MAGI2: variants seen among roughly 807,000 people sequenced by gnomAD.
The protein encoded by MAGI2 is membrane-associated guanylate kinase, WW and PDZ domain-containing protein 2.
MAGI2 carries 35 observed loss-of-function variants against 133.3 expected under a neutral mutation model. The ratio of observed to expected loss-of-function variants is 0.26; its 90% CI spans 0.20 to 0.35. The LOEUF is 0.35. MAGI2 is among the 10% of genes least tolerant of loss of function. The pLI is 1.00. For synonymous variants in MAGI2, 729 were observed against 710.6 expected (o/e 1.03, Z -0.41); for missense variants, 1,636 against 1,863.4 (o/e 0.88, Z 2.25).
chr7:78,141,315 T>C (rs994347588), intron 16 of MAGI2, among the ~76,000 whole-genome samples: 6 of 152,182 alleles, frequency 3.9e-5, no homozygotes, highest in African/African-American at 9.6e-5. Context: ...TCTGTTTTTC[T>C]GCCTTTAGAA....
intron 1 of MAGI2, among the ~76,000 whole-genome samples, chr7:79,109,542 G>A (rs929126608): frequency 1.3e-5 from 2 of 152,132 alleles, no homozygotes; most frequent in Non-Finnish European, 1.5e-5. Flanking sequence ...GCCCAACTTC[G>A]ATACAGGAGC....
chr7:79,207,101 A>G (rs1006000664), intron 1 of MAGI2, among the ~76,000 whole-genome samples: 6 of 151,950 alleles, frequency 3.9e-5, no homozygotes, highest in African/African-American at 1.2e-4. Context: ...TGACAAACTC[A>G]CAGCTAACAA....
intron 1 of MAGI2, among the ~76,000 whole-genome samples, chr7:79,394,703 G>A (rs1844913435): frequency 6.6e-6 from 1 of 152,120 alleles, no homozygotes; most frequent in Admixed American, 6.6e-5. Context: ...CAGTAATCAT[G>A]TTGTTCCTGT....
chr7:78,655,739 T>C (rs1812171176), intron 2 of MAGI2, among the ~76,000 whole-genome samples: 1 of 152,044 alleles, frequency 6.6e-6, no homozygotes, highest in Admixed American at 6.5e-5. Flanking sequence ...CCCAGCACTT[T>C]GGGAGGCCGA....
chr7:78,510,078 G>C (rs1554448295), intron 4 of MAGI2, among the ~76,000 whole-genome samples: 1 of 151,768 alleles, frequency 6.6e-6, no homozygotes, highest in African/African-American at 2.4e-5. Context: ...TAAGCTGAGA[G>C]AAAAAAAGGA....
intron 1 of MAGI2, among the ~76,000 whole-genome samples, chr7:79,419,965 T>C (rs1846827491): frequency 6.6e-6 from 1 of 152,060 alleles, no homozygotes; most frequent in South Asian, 2.1e-4. Context: ...AAGAAGTTAA[T>C]CAGCAGCCCA....
intron 2 of MAGI2, among the ~76,000 whole-genome samples, chr7:78,886,731 A>T (rs185605843): frequency 6.6e-6 from 1 of 152,236 alleles, no homozygotes; most frequent in East Asian, 1.9e-4. Context: ...TTTCTTCCTG[A>T]CTTCCACTTT....
At chr7:78,353,566 T>C (rs1791744878) in intron 7 of MAGI2, among the ~76,000 whole-genome samples, 1 of 152,220 alleles carries the variant, frequency 6.6e-6, no homozygotes, top group Non-Finnish European at 1.5e-5. Flanking sequence ...AGGCAAAAAC[T>C]GCTGAAATTT....
At chr7:78,299,858 A>AT (rs1562783489) in intron 9 of MAGI2, among the ~76,000 whole-genome samples, 1 of 152,170 alleles carries the variant, frequency 6.6e-6, no homozygotes, top group African/African-American at 2.4e-5. Flanking sequence ...AATGGCAAAA[A>AT]TTAATTTAAT....
At chr7:78,087,524 C>A (rs562916595) in intron 20 of MAGI2, among the ~76,000 whole-genome samples, 1 of 152,182 alleles carries the variant, frequency 6.6e-6, no homozygotes, top group Non-Finnish European at 1.5e-5. Context: ...ATAAATTTTT[C>A]ATAATGAACC....
At chr7:78,030,895 C>G (rs138717252) in intron 21 of MAGI2, among the ~76,000 whole-genome samples, 28 of 152,328 alleles carry the variant, frequency 1.8e-4, no homozygotes, top group African/African-American at 3.4e-4. Flanking sequence ...GAAATAAAAA[C>G]TGTGTTCACA....
chr7:78,986,666 C>T (rs887195269), intron 2 of MAGI2, among the ~76,000 whole-genome samples: 1 of 151,924 alleles, frequency 6.6e-6, no homozygotes, highest in Non-Finnish European at 1.5e-5. Flanking sequence ...GGATTACAGG[C>T]ATGAGCTACC....
intron 1 of MAGI2, among the ~76,000 whole-genome samples, chr7:79,290,810 C>A (rs1480675498): frequency 6.6e-6 from 1 of 152,022 alleles, no homozygotes; most frequent in African/African-American, 2.4e-5. Flanking sequence ...TGGAAAATAT[C>A]GTTCTAATAT....
At chr7:78,879,316 G>T (rs1352272073) in intron 2 of MAGI2, among the ~76,000 whole-genome samples, 1 of 152,156 alleles carries the variant, frequency 6.6e-6, no homozygotes, top group East Asian at 1.9e-4. Context: ...ATTGCCTGGG[G>T]CAACAGAGAC....
intron 20 of MAGI2, among the ~76,000 whole-genome samples, chr7:78,096,170 G>A (rs147781607): frequency 2.6e-5 from 4 of 152,336 alleles, no homozygotes; most frequent in African/African-American, 9.6e-5. Context: ...AAGGCATGAA[G>A]GACACTGTGG....
chr7:78,971,954 AAATATT>A (rs761950982), intron 2 of MAGI2, among the ~76,000 whole-genome samples: 2 of 151,940 alleles, frequency 1.3e-5, no homozygotes, highest in African/African-American at 2.4e-5. Flanking sequence ...AGAGCCATAT[AAATATT>A]AAGTACTACT....
At chr7:78,395,584 A>G (rs138040021) in intron 6 of MAGI2, among the ~76,000 whole-genome samples, 144 of 152,320 alleles carry the variant, frequency 9.5e-4, no homozygotes, top group Non-Finnish European at 1.6e-3. Context: ...AAATGACCCA[A>G]CGCAGAAACC....
intron 10 of MAGI2, among the ~76,000 whole-genome samples, chr7:78,228,958 A>G (rs73702841): frequency 9.8e-5 from 15 of 152,392 alleles, no homozygotes; most frequent in African/African-American, 3.4e-4. Flanking sequence ...TAACATAAAC[A>G]TCTTCTAGGA....
At chr7:79,209,196 CTA>C (rs146293075) in intron 1 of MAGI2, among the ~76,000 whole-genome samples, 1,774 of 151,982 alleles carry the variant, frequency 0.012, 61 homozygotes, top group African/African-American at 0.041. Context: ...AAAATAATAA[CTA>C]TGTGAGATAA....
Sources: gnomAD v4.1 joint callset for allele counts (sites outside exome capture counted in the v4.1 genomes callset) on GRCh38, gnomAD v4.1.1 for gene constraint, MANE v1.5 for transcripts, NCBI Gene and HGNC (gene_info 2026-07-23, HGNC 2026-07-21) for gene names.